The following AIG1 variants were observed in gnomAD, a reference collection of about 807,000 sequenced individuals.
AIG1 encodes androgen induced 1, also known as androgen-induced gene 1 protein.
AIG1 carries 23 observed loss-of-function variants against 31.4 expected under a neutral mutation model. The observed-to-expected ratio is 0.73, with a 90% CI of 0.53 to 1.04. AIG1 has a LOEUF of 1.04. Among genes scored for constraint, AIG1 ranks in the 50% least tolerant of loss-of-function variants. The probability of loss-of-function intolerance (pLI) is 0.00; values close to 1 mark genes in which losing one functional copy is unlikely to be tolerated. For synonymous variants in AIG1, 100 were observed against 110.5 expected, an observed-to-expected ratio of 0.90 and a Z score of 0.60; for missense variants, 274 against 295.0, an observed-to-expected ratio of 0.93 and a Z score of 0.52.
intron 1 of AIG1, among the ~76,000 whole-genome samples, chr6:143,088,417 C>A (rs756168515): frequency 7.2e-5 from 11 of 152,136 alleles, no homozygotes; most frequent in Admixed American, 2.0e-4. Context: ...TCAGCCCAAG[C>A]CCTGGCAGAG....
At position 143,333,588 on chromosome 6, in the gene AIG1, C is replaced by T; in HGVS notation, c.679+143C>T. On this transcript the variant is annotated intron_variant, in intron 5 of 5. Coordinates refer to ENST00000357847, the MANE Select transcript of AIG1 (RefSeq NM_016108.4). This position sits in a 1 kb window ranked among gnomAD's most constrained non-coding sequence, Gnocchi z 4.6. The stretch of plus-strand genomic sequence containing the variant: ...ATAAAGAGCTCCATTTTTAAAACTA[C>T]AATATGAATTTAAGAGCTGCTGACA... 1.3e-6 allele frequency: 1 copy of T among 798,876 alleles called. No individual in the cohort carries two copies. Among genetic ancestry groups the T allele is most frequent in the Non-Finnish European group, 1.8e-6 (1 of 557,448 alleles). 49.5% of individuals were successfully genotyped at this position (798,876 alleles called of 1,614,324 possible). A position where few individuals can be genotyped will look rare whatever the true frequency, so the allele number is the denominator to read the frequency against.
chr6:143,120,447 G>C (rs1782145660), intron 1 of AIG1, among the ~76,000 whole-genome samples: 1 of 152,176 alleles, frequency 6.6e-6, no homozygotes, highest in African/African-American at 2.4e-5. Flanking sequence ...GGCTGGGGAG[G>C]CCTCACATTC....
At chr6:143,321,505 A>G (rs1455006309) in intron 4 of AIG1, among the ~76,000 whole-genome samples, 1 of 151,984 alleles carries the variant, frequency 6.6e-6, no homozygotes, top group Admixed American at 6.5e-5. Context: ...AGTCTGAGGC[A>G]GAGAATCTCT....
intron 3 of AIG1, among the ~76,000 whole-genome samples, chr6:143,168,802 T>G (rs1437084912): frequency 6.6e-6 from 1 of 152,052 alleles, no homozygotes; most frequent in Non-Finnish European, 1.5e-5. Flanking sequence ...AGACCCTGTC[T>G]CAAGAACAAA....
chr6:143,189,823 A>G, intron 3 of AIG1: 1 of 974,890 alleles, frequency 1.0e-6, no homozygotes, highest in Non-Finnish European at 1.2e-6. Context: ...AAAGAGATAT[A>G]TCTTAGTCCA....
At chr6:143,125,027 C>T (rs1451820690) in intron 1 of AIG1, among the ~76,000 whole-genome samples, 1 of 152,098 alleles carries the variant, frequency 6.6e-6, no homozygotes, top group East Asian at 1.9e-4. Context: ...GGGTACTCTT[C>T]CTGAGCTCCA....
chr6:143,161,593 T>C (rs1209794416), intron 2 of AIG1, among the ~76,000 whole-genome samples: 1 of 150,992 alleles, frequency 6.6e-6, no homozygotes, highest in African/African-American at 2.4e-5. Context: ...ATATAAATTA[T>C]CATATATGAT....
At chr6:143,203,298 T>G (rs1790847807) in intron 3 of AIG1, among the ~76,000 whole-genome samples, 2 of 152,148 alleles carry the variant, frequency 1.3e-5, no homozygotes, top group African/African-American at 4.8e-5. Context: ...CACAGTCCAT[T>G]CTCTAAACCT....
At chr6:143,086,108 G>A (rs1418603158) in intron 1 of AIG1, among the ~76,000 whole-genome samples, 1 of 152,196 alleles carries the variant, frequency 6.6e-6, no homozygotes, top group African/African-American at 2.4e-5. Context: ...TAGCAAAGCA[G>A]TTGCTGCTAC....
upstream of AIG1, among the ~76,000 whole-genome samples, chr6:143,060,287 C>A (rs116864742): frequency 3.9e-5 from 6 of 152,318 alleles, no homozygotes; most frequent in East Asian, 1.2e-3. Context: ...ACCTTATTGC[C>A]CCAAAATACT....
At position 143,334,136 on chromosome 6, in the gene AIG1, T is replaced by C; in HGVS notation, c.679+691T>C. On this transcript the variant is annotated intron_variant, in intron 5 of 5. Transcript: ENST00000357847. This position sits in a 1 kb window ranked among gnomAD's most constrained non-coding sequence, Gnocchi z 5.1. ...CAAGCTGTGCAAAACCTGTCCAAAG[T>C]GTATGTACAATAACATAAAAATTGA... The C allele has an allele frequency of 6.5e-7, 1 of 1,544,126 alleles. No homozygotes were observed. The highest frequency in any genetic ancestry group is 1.2e-5 in the South Asian group (1 of 83,244).
chr6:143,060,994 C>T lies in AIG1; in HGVS notation c.69C>T (p.Asn23=). The change falls in exon 1 of 6, where the codon AAC becomes AAT. Residue 23 remains asparagine (N), a synonymous_variant. Transcript: ENST00000357847. Reference sequence around the variant, plus strand: ...TGTCTTACTGCTCTATCCTGTGTAACTACAAGGCCATCGAAATGCCCTCAC... The same window carrying T: ...TGTCTTACTGCTCTATCCTGTGTAATTACAAGGCCATCGAAATGCCCTCAC... The part of the protein sequence containing the change: ...ILLSYCSILC[N]YKAIEMPSHQ... The T allele has an allele frequency of 6.2e-7, 1 of 1,613,542 alleles. No individual in the cohort carries two copies. Among genetic ancestry groups the T allele is most frequent in the Admixed American group, 1.7e-5 (1 of 60,016 alleles).
At chr6:143,188,514 A>G (rs1789486417) in intron 3 of AIG1, 1 of 985,406 alleles carries the variant, frequency 1.0e-6, no homozygotes, top group South Asian at 4.7e-5. Flanking sequence ...CCTGCCTACT[A>G]TAACCCTGGC....
At chr6:143,187,384 G>A (rs1462670385) in intron 3 of AIG1, 1 of 1,533,566 alleles carries the variant, frequency 6.5e-7, no homozygotes, top group Non-Finnish European at 8.7e-7. Context: ...TGTTTAATTT[G>A]CAGCTATAGC....
At chr6:143,178,348 T>C (rs1455183738) in intron 3 of AIG1, among the ~76,000 whole-genome samples, 2 of 152,130 alleles carry the variant, frequency 1.3e-5, no homozygotes, top group Admixed American at 1.3e-4. Context: ...GCTCTCAACA[T>C]GATGATGTGC....
At chr6:143,173,610 T>C (rs1787856252) in intron 3 of AIG1, among the ~76,000 whole-genome samples, 1 of 152,210 alleles carries the variant, frequency 6.6e-6, no homozygotes, top group Non-Finnish European at 1.5e-5. Context: ...GTTCAAAGAA[T>C]TTTTTGATTT....
chr6:143,216,153 C>T (rs147888598), intron 3 of AIG1, among the ~76,000 whole-genome samples: 144 of 151,792 alleles, frequency 9.5e-4, no homozygotes, highest in African/African-American at 3.2e-3. Flanking sequence ...ACTGTCAAGA[C>T]TCTTGTTTCA....
chr6:143,265,516 T>G (rs182325241), intron 3 of AIG1, among the ~76,000 whole-genome samples: 101 of 152,284 alleles, frequency 6.6e-4, no homozygotes, highest in Non-Finnish European at 1.1e-3. Flanking sequence ...TCTAGCTGCC[T>G]GGCGGTCCTC....
At chr6:143,246,530 A>G (rs527410236) in intron 3 of AIG1, among the ~76,000 whole-genome samples, 1 of 152,304 alleles carries the variant, frequency 6.6e-6, no homozygotes, top group East Asian at 1.9e-4. Context: ...ACACATGGCA[A>G]TTTAAGATGA....
Sources: gnomAD v4.1 joint callset for allele counts (sites outside exome capture counted in the v4.1 genomes callset) on GRCh38, gnomAD v4.1.1 for gene constraint, Gnocchi (gnomAD v3.1) non-coding constraint, MANE v1.5 for transcripts, NCBI Gene and HGNC (gene_info 2026-07-23, HGNC 2026-07-21) for gene names.